The following SDR42E1 variants were observed in gnomAD, a reference collection of about 807,000 sequenced individuals.
SDR42E1 encodes short chain dehydrogenase/reductase family 42E, member 1.
Under a neutral mutation model 2.6 loss-of-function variants are expected in SDR42E1, and 5 were observed. The ratio of observed to expected loss-of-function variants is 1.94; its 90% CI spans 1.01 to 4.08. The LOEUF is 4.08. Among genes scored for constraint, SDR42E1 ranks in the 30% most tolerant of loss-of-function variants. The pLI is 0.00. For synonymous variants in SDR42E1, 231 were observed against 188.3 expected (o/e 1.23, Z -1.86); for missense variants, 596 against 478.6 (o/e 1.25, Z -2.29).
chr16:82,011,227 G>A (rs781774379), intron 1 of SDR42E1, among the ~76,000 whole-genome samples, 160 bp downstream of exon 1: 2 of 152,172 alleles, frequency 1.3e-5, no homozygotes, highest in Non-Finnish European at 2.9e-5. Flanking sequence ...CTGGGATCAG[G>A]AAGACATCTG....
At chr16:82,004,063 C>G (rs185381637) in intron 1 of SDR42E1, among the ~76,000 whole-genome samples, 6 of 152,158 alleles carry the variant, frequency 3.9e-5, no homozygotes, top group African/African-American at 1.2e-4. Flanking sequence ...CAAACCCAAA[C>G]GAGACAGAGG....
chr16:82,010,699 C>G (rs1425620381), intron 1 of SDR42E1, among the ~76,000 whole-genome samples: 1 of 152,200 alleles, frequency 6.6e-6, no homozygotes, highest in African/African-American at 2.4e-5. Flanking sequence ...AAAACATGTT[C>G]ATCTTACATC....
In SDR42E1 at chr16:81,994,257, A is replaced by G. The variant is rs1342986868; in HGVS notation, c.*4854T>C. On this transcript the variant is annotated 3_prime_UTR_variant, in exon 3 of 3. Coordinates refer to ENST00000328945, the MANE Select transcript of SDR42E1 (RefSeq NM_145168.3). ...TCCATTTTTTGGCTCTTCTTAACAC[A>G]TAGCTGGACCCAGCAGCCCAAACAT... is the stretch of plus-strand genomic sequence containing the variant. 6.6e-6 allele frequency: 1 copy of G among 152,196 alleles called. No individual in the cohort carries two copies. The highest frequency in any genetic ancestry group is 1.5e-5 in the Non-Finnish European group (1 of 68,062). 9.4% of individuals were successfully genotyped at this position (152,196 alleles called of 1,614,324 possible).
rs959469860 is a variant in SDR42E1 at position 81,993,731 on chromosome 16, C to A, written c.*5380G>T. 2 of 152,154 alleles carry A rather than the reference C, an allele frequency of 1.3e-5. No homozygotes were observed. The highest frequency in any genetic ancestry group is 4.8e-5 in the African/African-American group (2 of 41,416). 9.4% of individuals were successfully genotyped at this position (152,154 alleles called of 1,614,324 possible). A position where few individuals can be genotyped will look rare whatever the true frequency, so the allele number is the denominator to read the frequency against. On this transcript the variant is annotated 3_prime_UTR_variant, in exon 3 of 3. Transcript: ENST00000328945. The stretch of plus-strand genomic sequence containing the variant: ...ATGAAGGGTACAGAAGTAGAAAAAA[C>A]AGACATGGTTCCTGCTCTCATGGGG...
chr16:82,006,385 C>A (rs1367010345), intron 1 of SDR42E1, among the ~76,000 whole-genome samples: 2 of 152,132 alleles, frequency 1.3e-5, no homozygotes, highest in East Asian at 3.8e-4. Flanking sequence ...CATGCATGAT[C>A]TGAAAATTAT....
At position 81,994,953 on chromosome 16, in the gene SDR42E1, A is replaced by C. The variant is rs1423630022; in HGVS notation, c.*4158T>G. 1.3e-5 allele frequency: 2 copies of C among 152,198 alleles called. No individual in the cohort carries two copies. The highest frequency in any genetic ancestry group is 2.9e-5 in the Non-Finnish European group (2 of 68,036). 9.4% of individuals were successfully genotyped at this position (152,198 alleles called of 1,614,324 possible). A position where few individuals can be genotyped will look rare whatever the true frequency, so the allele number is the denominator to read the frequency against. Reference sequence around the variant, plus strand: ...CACAGCATAGGTAATTTGGTGCCAGAATGAGTTATTTGACCCTCCACTAAC... The same window carrying C: ...CACAGCATAGGTAATTTGGTGCCAGCATGAGTTATTTGACCCTCCACTAAC... On this transcript the variant is annotated 3_prime_UTR_variant, in exon 3 of 3. Transcript: ENST00000328945.
rs1912411102 is a variant in SDR42E1, at chr16:81,990,920, C to T, written c.*8191G>A. On this transcript the variant is annotated 3_prime_UTR_variant, in exon 3 of 3. Coordinates refer to ENST00000328945, the MANE Select transcript of SDR42E1 (RefSeq NM_145168.3). ...AAACATCTAAGGGCACCTCTACAGG[C>T]TGGACTTTGCATTTTCATTACTTCG... is the stretch of plus-strand genomic sequence containing the variant. 6.6e-6 allele frequency: 1 copy of T among 152,192 alleles called. No homozygotes were observed. Among genetic ancestry groups the T allele is most frequent in the African/African-American group, 2.4e-5 (1 of 41,438 alleles). The allele number at this position is 152,192 out of a possible 1,614,324, so 9.4% of individuals were successfully genotyped here.
At chr16:82,005,976 G>A (rs958927804) in intron 1 of SDR42E1, among the ~76,000 whole-genome samples, 3 of 152,172 alleles carry the variant, frequency 2.0e-5, no homozygotes, top group African/African-American at 7.2e-5. Flanking sequence ...AGATGACTGG[G>A]AGTACTTTAC....
chr16:82,008,529 C>T (rs1452451286), intron 1 of SDR42E1, among the ~76,000 whole-genome samples: 2 of 152,170 alleles, frequency 1.3e-5, no homozygotes, highest in African/African-American at 4.8e-5. Flanking sequence ...TTGTTGGGAA[C>T]TGGAGCAAAA....
In SDR42E1 at chr16:81,996,840, GT is replaced by G; in HGVS notation, c.*2270del. The stretch of plus-strand genomic sequence containing the variant: ...TGGCCTCCAATGACACCACCTCCTG[GT>G]ATTCATATCCTTGTGTAGTCTCCTC... On this transcript the variant is annotated 3_prime_UTR_variant, in exon 3 of 3. Transcript: ENST00000328945. The G allele has an allele frequency of 6.6e-6, 1 of 152,298 alleles. No homozygotes were observed. Among genetic ancestry groups the G allele is most frequent in the Admixed American group, 6.5e-5 (1 of 15,296 alleles). 9.4% of individuals were successfully genotyped at this position (152,298 alleles called of 1,614,324 possible).
Position 81,999,228 on chromosome 16 carries a change from A to T in SDR42E1, c.1065T>A (p.His355Gln). 1 of 1,614,240 alleles carries T rather than the reference A, an allele frequency of 6.2e-7. No homozygotes were observed. Among genetic ancestry groups the T allele is most frequent in the Non-Finnish European group, 8.5e-7 (1 of 1,180,040 alleles). Residue 355 changes from histidine (H) to glutamine (Q), a missense_variant, in exon 3 of 3, where the codon CAT (histidine) becomes CAA (glutamine). By Grantham distance (24) the His-to-Gln change is conservative (BLOSUM62 0). Transcript: ENST00000328945. Reference protein sequence around the residue: ...EAVEWFKAHGHGRSSGSRDSE... With the variant: ...EAVEWFKAHGQGRSSGSRDSE... ...AGTCACGACTTCCAGAACTTCTGCC[A>T]TGACCATGGGCTTTAAACCATTCCA...
At chr16:82,004,555 C>A (rs779194465) in intron 1 of SDR42E1, among the ~76,000 whole-genome samples, 1 of 152,174 alleles carries the variant, frequency 6.6e-6, no homozygotes, top group African/African-American at 2.4e-5. Context: ...GGCTATAGTG[C>A]AGAGGTGTGA....
intron 1 of SDR42E1, among the ~76,000 whole-genome samples, chr16:82,006,319 A>C (rs181044663): frequency 1.3e-3 from 192 of 152,356 alleles, no homozygotes; most frequent in Non-Finnish European, 2.1e-3. Context: ...TATTATATTG[A>C]GATCTGGCAA....
At chr16:82,010,912 A>G (rs1913104491) in intron 1 of SDR42E1, among the ~76,000 whole-genome samples, 1 of 152,240 alleles carries the variant, frequency 6.6e-6, no homozygotes, top group Non-Finnish European at 1.5e-5. Flanking sequence ...CATCTGATTC[A>G]TCTGGTATTA....
At chr16:82,006,919 A>G (rs1249063310) in intron 1 of SDR42E1, among the ~76,000 whole-genome samples, 1 of 152,268 alleles carries the variant, frequency 6.6e-6, no homozygotes, top group Admixed American at 6.5e-5. Context: ...AGGGTTTTGA[A>G]TATAACTAGG....
chr16:82,000,455 T>C, intron 2 of SDR42E1: 2 of 672,862 alleles, frequency 3.0e-6, no homozygotes, highest in South Asian at 1.6e-5. Context: ...CTTCAAAGAA[T>C]GGTGGCATTT....
chr16:81,991,265 T>C lies in SDR42E1; in HGVS notation c.*7846A>G, dbSNP rs558252921. The C allele has an allele frequency of 6.6e-6, 1 of 152,280 alleles. No homozygotes were observed. The highest frequency in any genetic ancestry group is 1.9e-4 in the East Asian group (1 of 5,188). 9.4% of individuals were successfully genotyped at this position (152,280 alleles called of 1,614,324 possible). A position where few individuals can be genotyped will look rare whatever the true frequency, so the allele number is the denominator to read the frequency against. ...CGTAATACATACTCACATGACAAAA[T>C]AATGGTTTGCTTCTGTAACTTAGTT... On this transcript the variant is annotated 3_prime_UTR_variant, in exon 3 of 3. Coordinates refer to ENST00000328945, the MANE Select transcript of SDR42E1 (RefSeq NM_145168.3).
Position 81,989,700 on chromosome 16 carries a change from G to T in SDR42E1, c.*9411C>A, listed in dbSNP as rs536122626. 2.6e-5 allele frequency: 4 copies of T among 152,136 alleles called. No individual in the cohort carries two copies. The highest frequency in any genetic ancestry group is 9.7e-5 in the African/African-American group (4 of 41,434). The allele number at this position is 152,136 out of a possible 1,614,324, so 9.4% of individuals were successfully genotyped here. A position where few individuals can be genotyped will look rare whatever the true frequency, so the allele number is the denominator to read the frequency against. ...TCATTTTCAGTTTAGAGCTCAAAAC[G>T]TGACTGAATTGAGTAATTGAAAACC... is the stretch of plus-strand genomic sequence containing the variant. On this transcript the variant is annotated 3_prime_UTR_variant, in exon 3 of 3. Transcript: ENST00000328945.
At chr16:82,000,501 T>C (rs537647725) in intron 2 of SDR42E1, 168 of 599,684 alleles carry the variant, frequency 2.8e-4, no homozygotes, top group Admixed American at 1.1e-3. Context: ...ATCTATTCTT[T>C]GGAATATTTG....
Sources: gnomAD v4.1 joint callset for allele counts (sites outside exome capture counted in the v4.1 genomes callset) on GRCh38, gnomAD v4.1.1 for gene constraint, MANE v1.5 for transcripts, NCBI Gene and HGNC (gene_info 2026-07-23, HGNC 2026-07-21) for gene names.